RELN: variants seen among roughly 807,000 people sequenced by gnomAD.
RELN encodes reelin.
In RELN, 108 loss-of-function variants were observed where a neutral mutation model predicts 427.6. That is an observed-to-expected ratio of 0.25 (90% CI 0.22 to 0.30). RELN has a LOEUF of 0.30. Among genes scored for constraint, RELN ranks in the 10% least tolerant of loss-of-function variants. The pLI is 1.00. For missense variants in RELN, 3,715 were observed against 4,302.8 expected, an observed-to-expected ratio of 0.86 and a Z score of 3.82; for synonymous variants, 1,524 against 1,513.4, an observed-to-expected ratio of 1.01 and a Z score of -0.16.
chr7:103,678,043 T>A (rs948167631), intron 11 of RELN, among the ~76,000 whole-genome samples: 3 of 152,184 alleles, frequency 2.0e-5, no homozygotes, highest in African/African-American at 7.2e-5. Context: ...TTCCAAGGAT[T>A]TCGGGCAGGT....
At chr7:103,557,310 G>A in intron 37 of RELN, 151 bp from the exon 38 acceptor site, 1 of 708,216 alleles carries the variant, frequency 1.4e-6, no homozygotes, top group Non-Finnish European at 2.4e-6. Flanking sequence ...CAACTTAAGG[G>A]GATGACAGGT....
At chr7:103,648,489 T>C (rs1832842563) in intron 16 of RELN, among the ~76,000 whole-genome samples, 1 of 152,020 alleles carries the variant, frequency 6.6e-6, no homozygotes. Context: ...TGGATTAATA[T>C]AGAAAATCTA....
rs535869036 is a variant in RELN at position 103,522,501 on chromosome 7, T to A, written c.7491-302A>T. On this transcript the variant is annotated intron_variant, in intron 47 of 64. Coordinates refer to ENST00000428762, the MANE Select transcript of RELN (RefSeq NM_005045.4). ...ATATCACACAGCTCTGAAGGGCTGA[T>A]AAACAATGGGAGCTGCCAAAGTAAA... 3.9e-5 allele frequency among the ~76,000 whole-genome samples: 6 copies of A among 152,324 alleles called. No individual in the cohort carries two copies. In the South Asian group the frequency reaches 1.0e-3, roughly 26 times the overall value.
chr7:103,774,968 A>T (rs766530649), intron 4 of RELN, among the ~76,000 whole-genome samples: 3 of 152,198 alleles, frequency 2.0e-5, no homozygotes, highest in Admixed American at 6.5e-5. Flanking sequence ...CTGGTTGAGA[A>T]TTTTTTCCCA....
chr7:103,913,718 A>G (rs906201611), intron 2 of RELN, among the ~76,000 whole-genome samples: 1 of 152,180 alleles, frequency 6.6e-6, no homozygotes, highest in African/African-American at 2.4e-5. Context: ...TGGCCATTTT[A>G]TTTAAAAAGA....
intron 3 of RELN, 75 bp from the exon 4 acceptor site, chr7:103,776,702 A>G: frequency 7.0e-7 from 1 of 1,430,356 alleles, no homozygotes; most frequent in Admixed American, 1.7e-5. Flanking sequence ...AAACTTTTTA[A>G]AAAGCTTATT....
At chr7:103,952,036 ATTCAG>A (rs1375247601) in intron 1 of RELN, among the ~76,000 whole-genome samples, 7 of 152,372 alleles carry the variant, frequency 4.6e-5, no homozygotes, top group African/African-American at 1.4e-4. Flanking sequence ...ATATTCAGAT[ATTCAG>A]TTATCAGTTC....
At position 103,904,103 on chromosome 7, in the gene RELN, G is replaced by A. The variant is rs568174843; in HGVS notation, c.337+12972C>T. On this transcript the variant is annotated intron_variant, in intron 2 of 64. Transcript: ENST00000428762. ...TCCCACTTATAAGTGAGAACATGCAGTGTTTGGTTTTCTATTCCTGTGTTA... is the reference window on the plus strand; with the variant it reads ...TCCCACTTATAAGTGAGAACATGCAATGTTTGGTTTTCTATTCCTGTGTTA... 3.3e-5 allele frequency among the ~76,000 whole-genome samples: 5 copies of A among 152,220 alleles called. No individual in the cohort carries two copies. In the East Asian group the frequency reaches 9.7e-4, roughly 29 times the overall value.
chr7:103,511,081 A>C lies in RELN; in HGVS notation c.8120-76T>G. On this transcript the variant is annotated intron_variant, in intron 50 of 64. Coordinates refer to ENST00000428762, the MANE Select transcript of RELN (RefSeq NM_005045.4). ...GAAGCAAATTTTCACTTTAAGCAAG[A>C]CATAGAATTATTTTAAGTAGAAACT... The C allele has an allele frequency of 2.9e-6, 3 of 1,023,954 alleles. No homozygotes were observed. The South Asian group carries it at 4.0e-5, about 14-fold the overall frequency. 63.4% of individuals were successfully genotyped at this position (1,023,954 alleles called of 1,614,324 possible). A position where few individuals can be genotyped will look rare whatever the true frequency, so the allele number is the denominator to read the frequency against.
At chr7:103,897,969 T>A (rs531880904) in intron 2 of RELN, among the ~76,000 whole-genome samples, 1 of 152,268 alleles carries the variant, frequency 6.6e-6, no homozygotes, top group East Asian at 1.9e-4. Flanking sequence ...TTTAACAAAC[T>A]AATTAAAACT....
chr7:103,918,993 C>T (rs1255111468), intron 1 of RELN, among the ~76,000 whole-genome samples: 5 of 152,044 alleles, frequency 3.3e-5, no homozygotes, highest in African/African-American at 1.2e-4. Context: ...TTATAATCTG[C>T]TTGCTAGAGT....
intron 3 of RELN, among the ~76,000 whole-genome samples, chr7:103,814,282 G>C (rs1792815389): frequency 6.6e-6 from 1 of 152,192 alleles, no homozygotes; most frequent in South Asian, 2.1e-4. Context: ...TGGCAACAGA[G>C]AGAAGACATT....
At chr7:103,786,768 C>T (rs114638889) in intron 3 of RELN, among the ~76,000 whole-genome samples, 3,099 of 152,110 alleles carry the variant, frequency 0.02, 105 homozygotes, top group African/African-American at 0.068. Flanking sequence ...CTTTAACACC[C>T]GACTGTCGAT....
intron 2 of RELN, among the ~76,000 whole-genome samples, chr7:103,892,470 G>T (rs577151432): frequency 6.6e-6 from 1 of 152,248 alleles, no homozygotes; most frequent in South Asian, 2.1e-4. Context: ...TTTTTCCTCT[G>T]TGATTTCATA....
chr7:103,797,839 G>C (rs973305169), intron 3 of RELN, among the ~76,000 whole-genome samples: 1 of 152,138 alleles, frequency 6.6e-6, no homozygotes, highest in African/African-American at 2.4e-5. Context: ...ACAAATCAAA[G>C]CCAAAAGACA....
chr7:103,760,343 C>G (rs968217005), intron 4 of RELN, among the ~76,000 whole-genome samples: 3 of 151,894 alleles, frequency 2.0e-5, no homozygotes, highest in Non-Finnish European at 4.4e-5. Context: ...ATCACAGCAG[C>G]CTGAAGTAGG....
chr7:103,728,246 A>C (rs770168527), intron 6 of RELN, 39 bp from the exon 7 acceptor site: 15 of 1,583,606 alleles, frequency 9.5e-6, no homozygotes, highest in Non-Finnish European at 1.3e-5. Flanking sequence ...CTGAGAACTA[A>C]GTAGCACACG....
intron 45 of RELN, among the ~76,000 whole-genome samples, chr7:103,538,647 A>G (rs960353744): frequency 6.6e-6 from 1 of 152,164 alleles, no homozygotes; most frequent in Non-Finnish European, 1.5e-5. Flanking sequence ...CAAGAATTTA[A>G]ATCTGTGAAT....
chr7:103,498,159 G>T lies in RELN; in HGVS notation c.8761C>A (p.Leu2921Ile). 6.2e-7 allele frequency: 1 copy of T among 1,614,080 alleles called. No homozygotes were observed. The highest frequency in any genetic ancestry group is 8.5e-7 in the Non-Finnish European group (1 of 1,179,990). Residue 2921 changes from leucine to isoleucine, a missense_variant, in exon 54 of 65, where the codon CTT (leucine) becomes ATT (isoleucine). Physicochemically the swap from Leu to Ile is conservative, Grantham distance 5. Around this residue, in one of 4 missense-constraint regions of RELN, gnomAD observed 1,310 missense variants for 1,643.0 expected, o/e 0.80. Coordinates refer to ENST00000428762, the MANE Select transcript of RELN (RefSeq NM_005045.4). ...GGSTCTECGI[L>I]AEDTALYFGG... ...AAATAGAGTGCAGTGTCCTCGGCAAGAATTCCACACTCAGTGCAAGTACTT... is the reference window on the plus strand; with the variant it reads ...AAATAGAGTGCAGTGTCCTCGGCAATAATTCCACACTCAGTGCAAGTACTT...
Sources: gnomAD v4.1 joint callset for allele counts (sites outside exome capture counted in the v4.1 genomes callset) on GRCh38, gnomAD v4.1.1 for gene constraint, gnomAD v4.1.1 regional missense constraint, MANE v1.5 for transcripts, NCBI Gene and HGNC (gene_info 2026-07-23, HGNC 2026-07-21) for gene names.